The following CCDC85C variants were observed in gnomAD, a reference collection of about 807,000 sequenced individuals.
The protein encoded by CCDC85C is coiled-coil domain-containing protein 85C.
Under a neutral mutation model 38.3 loss-of-function variants are expected in CCDC85C, and 18 were observed. That is an observed-to-expected ratio of 0.47 (90% confidence interval 0.33 to 0.70). CCDC85C has a LOEUF of 0.70. CCDC85C is among the 30% of genes least tolerant of loss of function. The pLI, the probability that CCDC85C is intolerant of heterozygous loss-of-function variation, is 0.03. For synonymous variants in CCDC85C, 264 were observed against 293.8 expected, an observed-to-expected ratio of 0.90 and a Z score of 1.04; for missense variants, 566 against 621.2, an observed-to-expected ratio of 0.91 and a Z score of 0.94.
intron 1 of CCDC85C, among the ~76,000 whole-genome samples, chr14:99,564,286 AG>A (rs1898173551): frequency 6.6e-6 from 1 of 152,232 alleles, no homozygotes. Context: ...AAGAAGCACC[AG>A]GGTCTTGCAC....
rs1193419069 is a variant in CCDC85C, at chr14:99,504,487, G to C, written c.*10759C>G. On this transcript the variant is annotated 3_prime_UTR_variant, in exon 6 of 6. Coordinates refer to ENST00000380243, the MANE Select transcript of CCDC85C (RefSeq NM_001144995.2). ...TTTTTTGAGACAGAGTTTCACTCTT[G>C]TTGCCCAGGCTGGAGTGCAGCGGTG... The C allele has an allele frequency of 7.6e-6, 1 of 132,226 alleles. No homozygotes were observed. The highest frequency in any genetic ancestry group is 1.6e-5 in the Non-Finnish European group (1 of 63,986). The allele number at this position is 132,226 out of a possible 1,614,324, so 8.2% of individuals were successfully genotyped here. A position where few individuals can be genotyped will look rare whatever the true frequency, so the allele number is the denominator to read the frequency against.
At chr14:99,578,910 AC>A (rs11356173) in intron 1 of CCDC85C, among the ~76,000 whole-genome samples, 12,107 of 152,134 alleles carry the variant, frequency 0.08, 781 homozygotes, top group African/African-American at 0.18. Context: ...GGTCCGTGTC[AC>A]CCTGCTGGTG....
At chr14:99,566,492 C>G (rs1227947725) in intron 1 of CCDC85C, among the ~76,000 whole-genome samples, 1 of 152,196 alleles carries the variant, frequency 6.6e-6, no homozygotes, top group Non-Finnish European at 1.5e-5. Flanking sequence ...CCCTCCCCTC[C>G]ATCCGGAGAG....
In CCDC85C at chr14:99,603,357, G is replaced by A; in HGVS notation, c.603C>T (p.Asp201=). ...SGGAPGAGAR[D]VGDGSSTSSA... is the part of the protein sequence containing the mutation. ...TGGACGTACTGCTGCCGTCGCCCACGTCGCGGGCCCCCGCGCCGGGCGCGC... is the reference window on the plus strand; with the variant it reads ...TGGACGTACTGCTGCCGTCGCCCACATCGCGGGCCCCCGCGCCGGGCGCGC... The change falls in exon 1 of 6, where the codon GAC becomes GAT. Residue 201 remains aspartate (D), a synonymous_variant. Coordinates refer to ENST00000380243, the MANE Select transcript of CCDC85C (RefSeq NM_001144995.2). The surrounding 1 kb of genome is among the most constrained non-coding windows in gnomAD (Gnocchi z 7.5). 3 of 1,276,228 alleles carry A rather than the reference G, an allele frequency of 2.4e-6. No individual in the cohort carries two copies. The highest frequency in any genetic ancestry group is 2.6e-5 in the South Asian group (1 of 37,926). The allele number at this position is 1,276,228 out of a possible 1,614,324, so 79.1% of individuals were successfully genotyped here. A position where few individuals can be genotyped will look rare whatever the true frequency, so the allele number is the denominator to read the frequency against.
intron 1 of CCDC85C, among the ~76,000 whole-genome samples, chr14:99,591,624 G>A (rs1156917976): frequency 6.6e-6 from 1 of 152,166 alleles, no homozygotes; most frequent in African/African-American, 2.4e-5. Flanking sequence ...TGGTCCTGGG[G>A]CCACAACTCC....
At chr14:99,578,049 G>C (rs765966797) in intron 1 of CCDC85C, among the ~76,000 whole-genome samples, 6 of 135,198 alleles carry the variant, frequency 4.4e-5, no homozygotes, top group Non-Finnish European at 7.7e-5. Context: ...TCCCCCATCA[G>C]AGTGTGTGTG....
intron 1 of CCDC85C, among the ~76,000 whole-genome samples, chr14:99,582,476 C>T (rs2054983333): frequency 6.6e-6 from 1 of 152,020 alleles, no homozygotes; most frequent in African/African-American, 2.4e-5. Context: ...CGCACCTGAT[C>T]TCAGCCGAAA....
At chr14:99,530,357 C>T (rs542014702) in intron 2 of CCDC85C, among the ~76,000 whole-genome samples, 27 of 152,282 alleles carry the variant, frequency 1.8e-4, no homozygotes, top group Non-Finnish European at 2.6e-4. Flanking sequence ...AGAGGTGATA[C>T]GGTATGGCGG....
Position 99,502,135 on chromosome 14 carries a change from C to T in CCDC85C, c.*13111G>A. 7.0e-7 allele frequency: 1 copy of T among 1,431,730 alleles called. No homozygotes were observed. The highest frequency in any genetic ancestry group is 9.3e-7 in the Non-Finnish European group (1 of 1,079,830). 88.7% of individuals were successfully genotyped at this position (1,431,730 alleles called of 1,614,324 possible). On this transcript the variant is annotated 3_prime_UTR_variant, in exon 6 of 6. Coordinates refer to ENST00000380243, the MANE Select transcript of CCDC85C (RefSeq NM_001144995.2). ...TAAGCAAATTAATGGTTAGTTATGG[C>T]ATCTCCATGCACTGGTTTAATCATA...
At chr14:99,565,970 C>T (rs1318663125) in intron 1 of CCDC85C, among the ~76,000 whole-genome samples, 1 of 152,224 alleles carries the variant, frequency 6.6e-6, no homozygotes, top group African/African-American at 2.4e-5. Context: ...GCCCCGAGCC[C>T]AGAGGCACAA....
At chr14:99,567,933 G>A (rs1436235123) in intron 1 of CCDC85C, among the ~76,000 whole-genome samples, 1 of 152,214 alleles carries the variant, frequency 6.6e-6, no homozygotes, top group Non-Finnish European at 1.5e-5. Context: ...GCCAAACAAA[G>A]ATGCCAGCAC....
chr14:99,578,869 C>T (rs1374077915), intron 1 of CCDC85C, among the ~76,000 whole-genome samples: 1 of 152,176 alleles, frequency 6.6e-6, no homozygotes, highest in Non-Finnish European at 1.5e-5. Context: ...CGTGACCGTG[C>T]CGTGGAAGGC....
At position 99,536,027 on chromosome 14, in the gene CCDC85C, C is replaced by G. The variant is rs750968264; in HGVS notation, c.855G>C (p.Lys285Asn). 1.5e-5 allele frequency: 23 copies of G among 1,551,328 alleles called. No individual in the cohort carries two copies. Among genetic ancestry groups the G allele is most frequent in the South Asian group, 2.4e-5 (2 of 84,064 alleles). The change falls in exon 2 of 6, where the codon AAG becomes AAC. Residue 285 changes from lysine (K) to asparagine (N), a missense_variant. Transcript: ENST00000380243. The part of the protein sequence containing the change: ...ESKVRLLEGD[K>N]LLAQQAGSGE... The stretch of plus-strand genomic sequence containing the variant: ...GAAGCCGGCCTACCTGTGCGAGGAG[C>G]TTGTCACCCTCCAGCAGCCTCACTT...
chr14:99,561,572 C>T (rs1408768398), intron 1 of CCDC85C, among the ~76,000 whole-genome samples: 2 of 152,192 alleles, frequency 1.3e-5, no homozygotes, highest in Non-Finnish European at 2.9e-5. Flanking sequence ...CAGGGGCGGG[C>T]GCCATGCAGT....
intron 1 of CCDC85C, among the ~76,000 whole-genome samples, chr14:99,562,261 C>T (rs1309924905): frequency 6.6e-6 from 1 of 152,176 alleles, no homozygotes; most frequent in Non-Finnish European, 1.5e-5. Context: ...TCCTGCTCCC[C>T]ATTTCATCTC....
intron 1 of CCDC85C, among the ~76,000 whole-genome samples, chr14:99,559,220 C>CG (rs113049628): frequency 4.0e-5 from 6 of 151,850 alleles, no homozygotes; most frequent in Non-Finnish European, 7.4e-5. Context: ...AGGAGTCCCC[C>CG]CGAGAGCCTC....
At chr14:99,561,125 G>A (rs955338596) in intron 1 of CCDC85C, among the ~76,000 whole-genome samples, 1 of 152,222 alleles carries the variant, frequency 6.6e-6, no homozygotes, top group Non-Finnish European at 1.5e-5. Context: ...ACGTGCATGG[G>A]GGGGTGCCTG....
intron 1 of CCDC85C, 147 bp from the exon 2 acceptor site, chr14:99,536,235 GCCCT>G: frequency 1.5e-6 from 1 of 660,154 alleles, no homozygotes; most frequent in Middle Eastern, 2.9e-4. Flanking sequence ...GCCCCTCCGA[GCCCT>G]CGCCCGCCCT....
Position 99,502,432 on chromosome 14 carries a change from C to G in CCDC85C, c.*12814G>C. On this transcript the variant is annotated 3_prime_UTR_variant, in exon 6 of 6. Transcript: ENST00000380243. ...GTGTTCCATGTTGAGATGATTCTTC[C>G]ATGTGTACCCTGAGTCCCAAGAATG... 6.4e-7 allele frequency: 1 copy of G among 1,573,382 alleles called. No homozygotes were observed. Among genetic ancestry groups the G allele is most frequent in the East Asian group, 2.3e-5 (1 of 44,438 alleles).
Sources: gnomAD v4.1 joint callset for allele counts (sites outside exome capture counted in the v4.1 genomes callset) on GRCh38, gnomAD v4.1.1 for gene constraint, Gnocchi (gnomAD v3.1) non-coding constraint, MANE v1.5 for transcripts, NCBI Gene and HGNC (gene_info 2026-07-23, HGNC 2026-07-21) for gene names.